Variants in DIS3L2 observed in about 807,000 individuals in gnomAD.
DIS3L2 encodes DIS3 like 3'-5' exoribonuclease 2.
DIS3L2 carries 34 observed loss-of-function variants against 97.5 expected under a neutral mutation model. The ratio of observed to expected loss-of-function variants is 0.35; its 90% CI spans 0.27 to 0.46. The LOEUF is 0.46. Among genes scored for constraint, DIS3L2 ranks in the 20% least tolerant of loss-of-function variants. DIS3L2 has a pLI of 1.00. For missense variants in DIS3L2, 1,038 were observed against 1,146.0 expected, an observed-to-expected ratio of 0.91 and a Z score of 1.36; for synonymous variants, 435 against 445.2, an observed-to-expected ratio of 0.98 and a Z score of 0.29.
chr2:232,261,103 T>G (rs1304427848), intron 12 of DIS3L2, among the ~76,000 whole-genome samples: 1 of 152,210 alleles, frequency 6.6e-6, no homozygotes, highest in Non-Finnish European at 1.5e-5. Context: ...AAACTCCACC[T>G]AGCCTCCTTT....
chr2:232,327,027 CTGTCCT>C (rs1328603214), intron 14 of DIS3L2, among the ~76,000 whole-genome samples: 2 of 152,334 alleles, frequency 1.3e-5, no homozygotes. Flanking sequence ...CCCCTCCCTC[CTGTCCT>C]TGTCCTCGTG....
At chr2:232,334,557 C>T (rs1695880052) in intron 18 of DIS3L2, 58 bp downstream of exon 18, 2 of 1,607,088 alleles carry the variant, frequency 1.2e-6, no homozygotes, top group East Asian at 2.2e-5. Context: ...CTCCTGGGCA[C>T]CTGCTCACCA....
At chr2:232,258,084 G>A (rs1039621038) in intron 12 of DIS3L2, among the ~76,000 whole-genome samples, 6 of 152,102 alleles carry the variant, frequency 3.9e-5, no homozygotes, top group African/African-American at 7.2e-5. Flanking sequence ...GACTACTTCC[G>A]GTCTTACTTA....
intron 4 of DIS3L2, among the ~76,000 whole-genome samples, chr2:232,027,878 T>C (rs1466378728): frequency 1.3e-5 from 2 of 152,170 alleles, no homozygotes; most frequent in Admixed American, 6.5e-5. Context: ...GATAAAATGA[T>C]ATTATTGTCA....
At chr2:231,962,503 C>T (rs1182483026) in intron 1 of DIS3L2, among the ~76,000 whole-genome samples, 2 of 145,968 alleles carry the variant, frequency 1.4e-5, no homozygotes, top group African/African-American at 2.6e-5. Context: ...TGGCGCGATT[C>T]GGCTCACTGC....
At chr2:232,148,755 T>C (rs1161971005) in intron 8 of DIS3L2, among the ~76,000 whole-genome samples, 3 of 138,122 alleles carry the variant, frequency 2.2e-5, no homozygotes, top group Admixed American at 7.0e-5. Context: ...TTTCTTTTTT[T>C]TTTTTTTTTT....
intron 13 of DIS3L2, among the ~76,000 whole-genome samples, chr2:232,285,548 C>T (rs901588966): frequency 9.8e-5 from 15 of 152,332 alleles, no homozygotes; most frequent in African/African-American, 2.6e-4. Flanking sequence ...TAAATTGTTG[C>T]AACTTGCAGC....
At chr2:232,248,490 A>G (rs1262959880) in intron 11 of DIS3L2, among the ~76,000 whole-genome samples, 2 of 152,194 alleles carry the variant, frequency 1.3e-5, no homozygotes, top group East Asian at 1.9e-4. Flanking sequence ...CATCTTTGGA[A>G]TAGTAGGAAA....
At chr2:232,079,866 C>G (rs747909455) in intron 5 of DIS3L2, among the ~76,000 whole-genome samples, 2 of 152,122 alleles carry the variant, frequency 1.3e-5, no homozygotes, top group Non-Finnish European at 2.9e-5. Flanking sequence ...AAGAAAGTCT[C>G]TGGAGTTGGA....
intron 8 of DIS3L2, among the ~76,000 whole-genome samples, chr2:232,141,413 C>CCT (rs1690035908): frequency 6.6e-6 from 1 of 152,034 alleles, no homozygotes; most frequent in South Asian, 2.1e-4. Context: ...CATGAATCGA[C>CCT]CTAGAGCAAA....
chr2:231,979,574 G>GTATT (rs1417436894), intron 1 of DIS3L2, among the ~76,000 whole-genome samples: 86 of 151,784 alleles, frequency 5.7e-4, no homozygotes, highest in African/African-American at 1.7e-3. Context: ...ACGGAGTCAG[G>GTATT]TATTTATTTA....
At chr2:232,329,785 T>TCCCGGGGGGGGGGC in intron 14 of DIS3L2, 28 bp from the exon 15 acceptor site, 14 of 967,132 alleles carry the variant, frequency 1.4e-5, no homozygotes, top group Non-Finnish European at 1.9e-5. Flanking sequence ...ACCCCAGCGG[T>TCCCGGGGGGGGGGC]CCCTCCCATC....
chr2:232,145,310 T>G (rs1289760266), intron 8 of DIS3L2, among the ~76,000 whole-genome samples: 1 of 152,198 alleles, frequency 6.6e-6, no homozygotes, highest in Admixed American at 6.5e-5. Context: ...GTTGTCTTTT[T>G]TGTTTGCTGC....
At chr2:232,224,193 A>G (rs1692578994) in intron 10 of DIS3L2, among the ~76,000 whole-genome samples, 1 of 152,240 alleles carries the variant, frequency 6.6e-6, no homozygotes, top group Non-Finnish European at 1.5e-5. Context: ...AAACAGACCC[A>G]CATATATATA....
intron 9 of DIS3L2, among the ~76,000 whole-genome samples, chr2:232,207,852 A>G (rs985707605): frequency 2.6e-5 from 4 of 152,180 alleles, no homozygotes; most frequent in African/African-American, 9.6e-5. Context: ...ACAAACAATA[A>G]TACATATCTG....
At position 232,175,441 on chromosome 2, in the gene DIS3L2, G is replaced by A. The variant is rs999465202; in HGVS notation, c.1124+11809G>A. Among the ~76,000 whole-genome samples the A allele has an allele frequency of 9.9e-5, 15 of 152,124 alleles. No homozygotes were observed. The East Asian group carries it at 2.1e-3, about 22-fold the overall frequency. On this transcript the variant is annotated intron_variant, in intron 9 of 20. Coordinates refer to ENST00000325385, the MANE Select transcript of DIS3L2 (RefSeq NM_152383.5). Reference sequence around the variant, plus strand: ...GATTCCTTTTTAGGATCTTTGCTTCGTATTTTTAAGAGATTTCAGTCTTTA... The same window carrying A: ...GATTCCTTTTTAGGATCTTTGCTTCATATTTTTAAGAGATTTCAGTCTTTA...
At chr2:232,169,502 C>T (rs1446894297) in intron 9 of DIS3L2, among the ~76,000 whole-genome samples, 7 of 152,130 alleles carry the variant, frequency 4.6e-5, no homozygotes, top group Non-Finnish European at 1.0e-4. Context: ...AACAGACTGC[C>T]AGGGTCATTG....
chr2:232,286,936 C>T (rs1037078523), intron 13 of DIS3L2, among the ~76,000 whole-genome samples: 12 of 152,118 alleles, frequency 7.9e-5, no homozygotes, highest in African/African-American at 2.2e-4. Context: ...TGAGCCACCG[C>T]GCCTGGCCTG....
intron 14 of DIS3L2, among the ~76,000 whole-genome samples, chr2:232,326,885 G>T (rs938019082): frequency 6.6e-6 from 1 of 152,216 alleles, no homozygotes; most frequent in East Asian, 1.9e-4. Context: ...GTTCACTGTC[G>T]AGGGCAGAGG....
Sources: allele counts gnomAD v4.1 joint callset (sites outside exome capture counted in the v4.1 genomes callset), GRCh38; gene constraint gnomAD v4.1.1; transcripts MANE v1.5; gene names NCBI Gene and HGNC (gene_info 2026-07-23, HGNC 2026-07-21).